NODAL: variants seen among roughly 807,000 people sequenced by gnomAD.
NODAL encodes nodal homolog.
In NODAL, 12 loss-of-function variants were observed where a neutral mutation model predicts 34.0. The ratio of observed to expected loss-of-function variants is 0.35; its 90% confidence interval spans 0.23 to 0.57. The LOEUF is 0.57. Among genes scored for constraint, NODAL ranks in the 20% least tolerant of loss-of-function variants. NODAL has a pLI of 0.83. For synonymous variants in NODAL, 162 were observed against 186.4 expected, an observed-to-expected ratio of 0.87 and a Z score of 1.07; for missense variants, 390 against 444.2, an observed-to-expected ratio of 0.88 and a Z score of 1.10.
intron 1 of NODAL, 39 bp downstream of exon 1, chr10:70,441,435 CG>C: frequency 6.5e-7 from 1 of 1,542,432 alleles, no homozygotes; most frequent in Non-Finnish European, 8.7e-7. Context: ...GGAGGCGCCC[CG>C]GGGGTGCCCA....
upstream of NODAL, chr10:70,441,790 GGGT>G: frequency 1.9e-6 from 2 of 1,053,670 alleles, no homozygotes; most frequent in Non-Finnish European, 2.8e-6. Flanking sequence ...CCCCTCCGGA[GGGT>G]GGGGGGCAGA....
intron 1 of NODAL, among the ~76,000 whole-genome samples, chr10:70,447,355 T>C (rs563608292): frequency 6.6e-6 from 1 of 151,780 alleles, no homozygotes; most frequent in African/African-American, 2.4e-5. Context: ...ATTACAGGCA[T>C]GAGCTACCGC....
chr10:70,443,138 G>A (rs1308598152), upstream of NODAL, among the ~76,000 whole-genome samples: 9 of 152,072 alleles, frequency 5.9e-5, no homozygotes, highest in Non-Finnish European at 1.3e-4. Context: ...CATAGGCTGC[G>A]ACCTGAGCAG....
chr10:70,432,905 C>G lies in NODAL; in HGVS notation c.*31G>C, dbSNP rs1056059105. On this transcript the variant is annotated 3_prime_UTR_variant, in exon 3 of 3. Coordinates refer to ENST00000287139, the MANE Select transcript of NODAL (RefSeq NM_018055.5). ...AGGAGTTTCCCAGCCTTCCAGAGTG[C>G]AGGCAAATCCAGTCTCCCTCCAGGA... The G allele has an allele frequency of 6.2e-7, 1 of 1,612,070 alleles. No homozygotes were observed. The highest frequency in any genetic ancestry group is 8.5e-7 in the Non-Finnish European group (1 of 1,178,314).
chr10:70,441,722 A>T (rs922263502), upstream of NODAL: 117 of 1,522,594 alleles, frequency 7.7e-5, no homozygotes, highest in Non-Finnish European at 8.9e-5. Context: ...CCTGGGCCTC[A>T]GCAGCCGCCC....
At chr10:70,441,389 C>A in intron 1 of NODAL, 86 bp downstream of exon 1, 1 of 1,460,078 alleles carries the variant, frequency 6.8e-7, no homozygotes, top group East Asian at 2.5e-5. Context: ...AGCCCCCAAC[C>A]CACAGCACTT....
chr10:70,434,560 A>G (rs1845317745), intron 2 of NODAL, among the ~76,000 whole-genome samples: 1 of 152,170 alleles, frequency 6.6e-6, no homozygotes, highest in African/African-American at 2.4e-5. Flanking sequence ...ACGGGGTGTC[A>G]CCATGTTGGT....
chr10:70,433,096 G>T lies in NODAL; in HGVS notation c.892-8C>A. On this transcript the variant is annotated splice_polypyrimidine_tract_variant and splice_region_variant and intron_variant, in intron 2 of 2. Coordinates refer to ENST00000287139, the MANE Select transcript of NODAL (RefSeq NM_018055.5). ...GTAACGTTTCAGCAGACTCTGTAAA[G>T]GAAAGGAAGGGTGTGTCAATTCACA... 1 of 1,613,828 alleles carries T rather than the reference G, an allele frequency of 6.2e-7. No individual in the cohort carries two copies. Among genetic ancestry groups the T allele is most frequent in the Non-Finnish European group, 8.5e-7 (1 of 1,180,034 alleles).
intron 1 of NODAL, among the ~76,000 whole-genome samples, chr10:70,446,700 C>T (rs1845490717): frequency 1.3e-5 from 2 of 152,034 alleles, no homozygotes; most frequent in African/African-American, 4.8e-5. Flanking sequence ...CCTATATAAG[C>T]AATCCTGTTC....
upstream of NODAL, among the ~76,000 whole-genome samples, chr10:70,445,547 C>T (rs187178081): frequency 2.6e-4 from 39 of 152,310 alleles, no homozygotes; most frequent in African/African-American, 7.7e-4. Flanking sequence ...CATGAGCCAC[C>T]GCGCCTGGCC....
intron 2 of NODAL, 155 bp downstream of exon 2, chr10:70,435,131 C>T: frequency 1.5e-6 from 1 of 686,170 alleles, no homozygotes; most frequent in Non-Finnish European, 2.5e-6. Flanking sequence ...ACTCGGTCAT[C>T]TCTACATGCC....
chr10:70,436,166 G>T (rs1564667657), intron 1 of NODAL, 183 bp from the exon 2 acceptor site: 1 of 648,352 alleles, frequency 1.5e-6, no homozygotes, highest in South Asian at 1.7e-5. Context: ...GAGGAAAACT[G>T]AGGCTCAGTG....
intron 2 of NODAL, among the ~76,000 whole-genome samples, chr10:70,433,413 T>C (rs1845296313): frequency 6.6e-6 from 1 of 151,990 alleles, no homozygotes; most frequent in South Asian, 2.1e-4. Flanking sequence ...CTAAAGGGAA[T>C]ACCATTTTTT....
chr10:70,433,056 G>C lies in NODAL; in HGVS notation c.924C>G (p.Val308=). The C allele has an allele frequency of 1.9e-6, 3 of 1,614,102 alleles. No individual in the cohort carries two copies. The highest frequency in any genetic ancestry group is 2.5e-6 in the Non-Finnish European group (3 of 1,180,040). ...SLLKRYQPHR[V]PSTCCAPVKT... ...TCACTGGGGCACAACAAGTGGAAGGGACTCGGTGGGGCTGGTAACGTTTCA... is the reference window on the plus strand; with the variant it reads ...TCACTGGGGCACAACAAGTGGAAGGCACTCGGTGGGGCTGGTAACGTTTCA... Residue 308 remains valine, a synonymous_variant, in exon 3 of 3, where the codon GTC becomes GTG. Coordinates refer to ENST00000287139, the MANE Select transcript of NODAL (RefSeq NM_018055.5).
intron 2 of NODAL, chr10:70,434,939 G>T: frequency 3.1e-6 from 1 of 317,702 alleles, no homozygotes; most frequent in Non-Finnish European, 6.0e-6. Context: ...ATGCAGGCCT[G>T]CCTGTCCCCA....
chr10:70,446,581 T>C (rs1845487996), upstream of NODAL, among the ~76,000 whole-genome samples: 1 of 152,116 alleles, frequency 6.6e-6, no homozygotes, highest in Non-Finnish European at 1.5e-5. Flanking sequence ...GTCTAGTGAG[T>C]CTCTGGCAGG....
chr10:70,442,118 C>T (rs534539981), upstream of NODAL, among the ~76,000 whole-genome samples: 1 of 152,220 alleles, frequency 6.6e-6, no homozygotes, highest in Non-Finnish European at 1.5e-5. Context: ...GAGGGATCCT[C>T]GTGGCTCTCA....
At position 70,441,642 on chromosome 10, in the gene NODAL, A is replaced by G; in HGVS notation, c.26T>C (p.Leu9Pro). 1 of 1,550,680 alleles carries G rather than the reference A, an allele frequency of 6.4e-7. No individual in the cohort carries two copies. The highest frequency in any genetic ancestry group is 8.7e-7 in the Non-Finnish European group (1 of 1,147,658). Residue 9 changes from leucine to proline, a missense_variant, in exon 1 of 3, where the codon CTT becomes CCT. Coordinates refer to ENST00000287139, the MANE Select transcript of NODAL (RefSeq NM_018055.5). ...GAGTAGGGCCCACCAGGCGTGCAGA[A>G]GGAAGGGCAGGCAGTGGGCGTGCAT... MHAHCLPF[L>P]LHAWWALLQA...
chr10:70,435,808 C>G lies in NODAL; in HGVS notation c.369G>C (p.Gln123His). Reference protein sequence around the residue: ...IFHQPKPDTEQASDSCLERFQ... With the variant: ...IFHQPKPDTEHASDSCLERFQ... ...ACCGCTCTAAGCAGCTGTCTGAAGC[C>G]TGCTCTGTGTCGGGCTTTGGCTGGT... Residue 123 changes from glutamine (Q) to histidine (H), a missense_variant, in exon 2 of 3, where the codon CAG (glutamine) becomes CAC (histidine). Gln to His is a conservative substitution (Grantham distance 24). Coordinates refer to ENST00000287139, the MANE Select transcript of NODAL (RefSeq NM_018055.5). 6.2e-7 allele frequency: 1 copy of G among 1,614,136 alleles called. No individual in the cohort carries two copies. The highest frequency in any genetic ancestry group is 1.1e-5 in the South Asian group (1 of 91,086).
Sources: gnomAD v4.1 joint callset for allele counts (sites outside exome capture counted in the v4.1 genomes callset) on GRCh38, gnomAD v4.1.1 for gene constraint, MANE v1.5 for transcripts, NCBI Gene and HGNC (gene_info 2026-07-23, HGNC 2026-07-21) for gene names.